NLRP14: variants seen among roughly 807,000 people sequenced by gnomAD.
The protein encoded by NLRP14 is NACHT, LRR and PYD domains-containing protein 14.
In NLRP14, 105 loss-of-function variants were observed where a neutral mutation model predicts 94.7. The observed-to-expected ratio is 1.11, with a 90% CI of 0.95 to 1.30. NLRP14 has a LOEUF of 1.30. Ranked by LOEUF, NLRP14 falls within the 50% of genes most tolerant of loss-of-function variation. The pLI is 0.00. For missense variants in NLRP14, 1,362 were observed against 1,254.1 expected (o/e 1.09, Z -1.30); for synonymous variants, 508 against 459.9 (o/e 1.10, Z -1.34).
intron 10 of NLRP14, among the ~76,000 whole-genome samples, 183 bp downstream of exon 10, chr11:7,062,686 G>C (rs950124360): frequency 6.6e-6 from 1 of 152,034 alleles, no homozygotes; most frequent in South Asian, 2.1e-4. Context: ...TAGTATAGAA[G>C]CCATATTTCA....
the NLRP14 span, chr11:7,089,014 C>T: frequency 1.4e-5 from 19 of 1,346,200 alleles, no homozygotes; most frequent in Non-Finnish European, 1.8e-5. Context: ...GGCGACTAGG[C>T]GCCGCCTGAC....
intron 3 of NLRP14, among the ~76,000 whole-genome samples, chr11:7,041,189 T>C (rs1473099702): frequency 1.3e-5 from 2 of 152,180 alleles, no homozygotes; most frequent in Non-Finnish European, 2.9e-5. Flanking sequence ...TGGCCAATCA[T>C]TATTTTCGCT....
the NLRP14 span, among the ~76,000 whole-genome samples, chr11:7,083,771 A>G: frequency 6.6e-6 from 1 of 152,218 alleles, no homozygotes; most frequent in South Asian, 2.1e-4. Flanking sequence ...TGGGATATCT[A>G]CTGGTCAATT....
rs552174507 is a variant in NLRP14, at chr11:7,057,587, AG to A, written c.2292-88del. 2.3e-4 allele frequency: 286 copies of A among 1,252,686 alleles called. 2 individuals are homozygous for A. The East Asian group carries it at 6.5e-3, about 29-fold the overall frequency. 77.6% of individuals were successfully genotyped at this position (1,252,686 alleles called of 1,614,324 possible). A position where few individuals can be genotyped will look rare whatever the true frequency, so the allele number is the denominator to read the frequency against. ...TTTTTCAGGCAAGATTCCAAAGATT[AG>A]GAAACTTCCTACCTTTGGGATCGGT... On this transcript the variant is annotated intron_variant, in intron 6 of 11. Transcript: ENST00000299481.
chr11:7,076,267 AG>A (rs1852872824), downstream of NLRP14, among the ~76,000 whole-genome samples: 1 of 152,310 alleles, frequency 6.6e-6, no homozygotes, highest in East Asian at 1.9e-4. Flanking sequence ...TGGGGAAGAA[AG>A]GGTTTGCAAT....
chr11:7,036,148 A>G (rs1799681570), intron 1 of NLRP14, among the ~76,000 whole-genome samples: 1 of 152,246 alleles, frequency 6.6e-6, no homozygotes, highest in South Asian at 2.1e-4. Context: ...GCTTTGTTAT[A>G]GGCAAAAATT....
rs192304825 is a variant in NLRP14 at position 7,051,187 on chromosome 11, G to A, written c.2291+1349G>A. On this transcript the variant is annotated intron_variant, in intron 6 of 11. Transcript: ENST00000299481. ...CTTGCAACAGTAAATACAATGCTTTGGCAAAAGTCATCAGAGCTTTGTAAT... is the reference window on the plus strand; with the variant it reads ...CTTGCAACAGTAAATACAATGCTTTAGCAAAAGTCATCAGAGCTTTGTAAT... Among the ~76,000 whole-genome samples the A allele has an allele frequency of 1.5e-4, 23 of 152,306 alleles. No homozygotes were observed. In the East Asian group the frequency reaches 4.4e-3, roughly 29 times the overall value.
chr11:7,068,958 G>A (rs1296691028), intron 10 of NLRP14, among the ~76,000 whole-genome samples: 1 of 152,110 alleles, frequency 6.6e-6, no homozygotes, highest in African/African-American at 2.4e-5. Context: ...CTGGGCAGTG[G>A]CAGTATTCTG....
chr11:7,076,489 T>C (rs920616354), downstream of NLRP14, among the ~76,000 whole-genome samples: 2 of 152,190 alleles, frequency 1.3e-5, no homozygotes, highest in African/African-American at 2.4e-5. Context: ...TCTTTTATTA[T>C]AAGCATTAAG....
rs1852201266 is a variant in NLRP14, at chr11:7,038,806, G to T, written c.220G>T (p.Val74Leu). ...TTATCCAGGAGAGAAAGCCTGGAGT[G>T]TGTCTCTCAAAATCTTTGGCAAGAT... ...KYYPGEKAWS[V>L]SLKIFGKMNL... is the part of the protein sequence containing the mutation. The change falls in exon 2 of 12, where the codon GTG becomes TTG. Residue 74 changes from valine (V) to leucine (L), a missense_variant. Val to Leu is a conservative substitution (Grantham distance 32). Coordinates refer to ENST00000299481, the MANE Select transcript of NLRP14 (RefSeq NM_176822.4). The T allele has an allele frequency of 1.2e-6, 2 of 1,612,956 alleles. No homozygotes were observed. The highest frequency in any genetic ancestry group is 2.7e-5 in the African/African-American group (2 of 74,874).
At chr11:7,075,996 G>T (rs753858611), downstream of NLRP14, among the ~76,000 whole-genome samples, 2 of 152,158 alleles carry the variant, frequency 1.3e-5, no homozygotes, top group Non-Finnish European at 2.9e-5. Flanking sequence ...TGCTCCTAAG[G>T]GATGATGTGT....
chr11:7,058,235 G>A (rs367829897), intron 7 of NLRP14, 45 bp from the exon 8 acceptor site: 36 of 1,536,916 alleles, frequency 2.3e-5, no homozygotes, highest in Non-Finnish European at 2.9e-5. Context: ...GAGAAGCATG[G>A]GCTTTGGGAA....
At chr11:7,089,230 T>C in the NLRP14 span, 1 of 1,612,836 alleles carries the variant, frequency 6.2e-7, no homozygotes, top group Non-Finnish European at 8.5e-7. Context: ...ATCGTCGAGG[T>C]GCTCCTGATG....
At chr11:7,041,412 A>G (rs1852246833) in intron 3 of NLRP14, among the ~76,000 whole-genome samples, 2 of 152,198 alleles carry the variant, frequency 1.3e-5, no homozygotes, top group African/African-American at 4.8e-5. Flanking sequence ...TTTCAGATAC[A>G]TAAAGTTTGT....
At chr11:7,045,959 G>T (rs934000952) in intron 4 of NLRP14, among the ~76,000 whole-genome samples, 2 of 152,072 alleles carry the variant, frequency 1.3e-5, no homozygotes, top group Non-Finnish European at 2.9e-5. Context: ...TCAGTGAGTG[G>T]CAGTGTTGAA....
At chr11:7,085,383 C>T in the NLRP14 span, among the ~76,000 whole-genome samples, 1 of 152,178 alleles carries the variant, frequency 6.6e-6, no homozygotes, top group Non-Finnish European at 1.5e-5. Context: ...TAAGCAACAG[C>T]TGTTCATTTT....
At chr11:7,037,455 A>C (rs1420922131) in intron 1 of NLRP14, among the ~76,000 whole-genome samples, 2 of 152,170 alleles carry the variant, frequency 1.3e-5, no homozygotes, top group East Asian at 3.9e-4. Flanking sequence ...AGACATTATG[A>C]AAGACTGGAA....
Position 7,038,709 on chromosome 11 carries a change from G to T in NLRP14, c.123G>T (p.Glu41Asp). Reference sequence around the variant, plus strand: ...TCCTAAAGGAGACCATGGAACCTGAGCATGGCCTGACACCCTGGAATGAAG... The same window carrying T: ...TCCTAAAGGAGACCATGGAACCTGATCATGGCCTGACACCCTGGAATGAAG... Reference protein sequence around the residue: ...KLFLKETMEPEHGLTPWNEVK... With the variant: ...KLFLKETMEPDHGLTPWNEVK... Residue 41 changes from glutamate to aspartate, a missense_variant, in exon 2 of 12, where the codon GAG (glutamate) becomes GAT (aspartate). Coordinates refer to ENST00000299481, the MANE Select transcript of NLRP14 (RefSeq NM_176822.4). 6.2e-7 allele frequency: 1 copy of T among 1,614,086 alleles called. No individual in the cohort carries two copies. The highest frequency in any genetic ancestry group is 2.2e-5 in the East Asian group (1 of 44,874).
intron 1 of NLRP14, among the ~76,000 whole-genome samples, chr11:7,031,783 C>T (rs990725858): frequency 1.3e-5 from 2 of 152,218 alleles, no homozygotes; most frequent in Non-Finnish European, 2.9e-5. Flanking sequence ...ACGAAACAAA[C>T]CGCCTGAAAA....
Sources: gnomAD v4.1 joint callset for allele counts (sites outside exome capture counted in the v4.1 genomes callset) on GRCh38, gnomAD v4.1.1 for gene constraint, MANE v1.5 for transcripts, NCBI Gene and HGNC (gene_info 2026-07-23, HGNC 2026-07-21) for gene names.